VWCE: variants seen among roughly 807,000 people sequenced by gnomAD.
VWCE encodes the protein von Willebrand factor C and EGF domain-containing protein.
VWCE carries 68 observed loss-of-function variants against 102.9 expected under a neutral mutation model. That is an observed-to-expected ratio of 0.66 (90% CI 0.54 to 0.81). The LOEUF (loss-of-function observed/expected upper bound fraction) is 0.81. Ranked by LOEUF, VWCE falls within the 30% of genes least tolerant of loss-of-function variation. The probability of loss-of-function intolerance (pLI) is 0.00; values close to 1 mark genes in which losing one functional copy is unlikely to be tolerated. For missense variants in VWCE, 1,137 were observed against 1,263.6 expected, an observed-to-expected ratio of 0.90 and a Z score of 1.52; for synonymous variants, 497 against 515.4, an observed-to-expected ratio of 0.96 and a Z score of 0.48.
chr11:61,278,605 G>T, intron 9 of VWCE, 129 bp from the exon 10 acceptor site: 1 of 810,516 alleles, frequency 1.2e-6, no homozygotes, highest in Non-Finnish European at 2.0e-6. Flanking sequence ...CCCAGGAGTG[G>T]TAGATTCAGG....
At chr11:61,278,282 T>G (rs1335426226) in intron 10 of VWCE, 112 bp downstream of exon 10, 1 of 1,162,606 alleles carries the variant, frequency 8.6e-7, no homozygotes, top group East Asian at 2.4e-5. Context: ...CCTGAGAATG[T>G]TCCCTTCCAC....
chr11:61,266,922 G>A (rs559818534), intron 16 of VWCE, among the ~76,000 whole-genome samples: 4 of 152,132 alleles, frequency 2.6e-5, no homozygotes, highest in African/African-American at 9.7e-5. Flanking sequence ...CTCTCTCTAG[G>A]GGGTAACCCG....
intron 19 of VWCE, 119 bp downstream of exon 19, chr11:61,264,368 G>T: frequency 9.7e-7 from 1 of 1,034,196 alleles, no homozygotes; most frequent in Non-Finnish European, 1.4e-6. Context: ...CGCGAGCCGT[G>T]TTCCCTCTCT....
At chr11:61,292,178 G>C (rs1454819390) in intron 1 of VWCE, among the ~76,000 whole-genome samples, 1 of 151,666 alleles carries the variant, frequency 6.6e-6, no homozygotes, top group East Asian at 1.9e-4. Flanking sequence ...AGCCAAGTTG[G>C]CGCCACTGCC....
In VWCE at chr11:61,271,696, G is replaced by A; in HGVS notation, c.1764C>T (p.Pro588=). 6.2e-7 allele frequency: 1 copy of A among 1,613,284 alleles called. No homozygotes were observed. The highest frequency in any genetic ancestry group is 1.1e-5 in the South Asian group (1 of 90,852). Reference sequence around the variant, plus strand: ...TCACCTGGCAGATGCATAACTCACAGGGGTCACCAGGCGACCAGATCTGTC... The same window carrying A: ...TCACCTGGCAGATGCATAACTCACAAGGGTCACCAGGCGACCAGATCTGTC... ...PIGQIWSPGD[P]CELCICQADG... The change falls in exon 14 of 20, where the codon CCC becomes CCT. Residue 588 remains proline, a synonymous_variant. Transcript: ENST00000335613.
In VWCE at chr11:61,293,241, CAAAAAAAA is replaced by C. The variant is rs764741197; in HGVS notation, c.111-1673_111-1666del. ...GGGCAACAAGAGCAAAACTCCATCT[CAAAAAAAA>C]AAAAAAAAAAAAAAAAAATTAGCCA... is the stretch of plus-strand genomic sequence containing the variant. On this transcript the variant is annotated intron_variant, in intron 1 of 19. Transcript: ENST00000335613. 1.8e-3 allele frequency among the ~76,000 whole-genome samples: 33 copies of C among 18,026 alleles called. 1 individual carries two copies. The highest frequency in any genetic ancestry group is 0.028 in the Middle Eastern group (1 of 36). The allele number at this position is 18,026 out of a possible 152,430, so 11.8% of individuals were successfully genotyped here.
At chr11:61,271,511 A>G (rs1854697156) in intron 14 of VWCE, 164 bp downstream of exon 14, 1 of 627,944 alleles carries the variant, frequency 1.6e-6, no homozygotes, top group Non-Finnish European at 2.8e-6. Flanking sequence ...TGAGAGCAGG[A>G]TAAACTCGGT....
rs1160999529 is a variant in VWCE at position 61,281,180 on chromosome 11, C to T, written c.843G>A (p.Pro281=). The T allele has an allele frequency of 1.2e-6, 2 of 1,613,338 alleles. No individual in the cohort carries two copies. The highest frequency in any genetic ancestry group is 1.7e-5 in the Admixed American group (1 of 60,010). Residue 281 remains proline, a synonymous_variant, in exon 8 of 20, where the codon CCG becomes CCA. Transcript: ENST00000335613. ...CAGGAAGCAACAGAAGCATCTTGGA[C>T]GGGTGTTGCCGGGGTTGCAGGATGG... The part of the protein sequence containing the change: ...PSAILQPRQH[P]SKMLLLLPEA...
At position 61,278,496 on chromosome 11, in the gene VWCE, G is replaced by A. The variant is rs780532637; in HGVS notation, c.1325-20C>T. The A allele has an allele frequency of 6.2e-6, 10 of 1,612,774 alleles. No individual in the cohort carries two copies. The African/African-American group carries it at 8.0e-5, about 13-fold the overall frequency. ...AACAGCCTTTGAAGGACAAATAGGA[G>A]GTAGAGGCATCAGACCTCTTCAAAG... On this transcript the variant is annotated intron_variant, in intron 9 of 19. Transcript: ENST00000335613.
chr11:61,259,289 T>C lies in VWCE; in HGVS notation c.2254A>G (p.Lys752Glu), dbSNP rs1199258044. Residue 752 changes from lysine (K) to glutamate (E), a missense_variant, in exon 20 of 20, where the codon AAG becomes GAG. Lys to Glu is a moderately conservative substitution (Grantham distance 56, BLOSUM62 1). Transcript: ENST00000335613. ...TTTCCGTGAGGGGAGAGCCCCTGCTTTTCTTCCAGAGGAGACAGGGAATCT... is the reference window on the plus strand; with the variant it reads ...TTTCCGTGAGGGGAGAGCCCCTGCTCTTCTTCCAGAGGAGACAGGGAATCT... ...CPDSLSPLEE[K>E]QGLSPHGNVA... 2.5e-6 allele frequency: 4 copies of C among 1,591,086 alleles called. No homozygotes were observed. In the South Asian group the frequency reaches 3.4e-5, roughly 14 times the overall value.
At chr11:61,290,338 C>G (rs1426273462) in intron 4 of VWCE, among the ~76,000 whole-genome samples, 1 of 152,096 alleles carries the variant, frequency 6.6e-6, no homozygotes, top group Non-Finnish European at 1.5e-5. Context: ...ATGGCAAAAC[C>G]CTGTCTCTAC....
chr11:61,284,277 G>A (rs1855239772), intron 5 of VWCE, among the ~76,000 whole-genome samples: 1 of 152,126 alleles, frequency 6.6e-6, no homozygotes, highest in Admixed American at 6.6e-5. Flanking sequence ...ATTTCCTTAA[G>A]CCTCAGTGTT....
rs138503610 is a variant in VWCE at position 61,258,545 on chromosome 11, T to C, written c.*130A>G. On this transcript the variant is annotated 3_prime_UTR_variant, in exon 20 of 20. Coordinates refer to ENST00000335613, the MANE Select transcript of VWCE (RefSeq NM_152718.2). Reference sequence around the variant, plus strand: ...TACATCCAGCCTTGGGGGTCTTCCATCCTCACCAGGGCCCCTGCAGGAGGG... The same window carrying C: ...TACATCCAGCCTTGGGGGTCTTCCACCCTCACCAGGGCCCCTGCAGGAGGG... The C allele has an allele frequency of 2.7e-5, 26 of 960,998 alleles. No homozygotes were observed. In the East Asian group the frequency reaches 7.3e-4, roughly 27 times the overall value. The allele number at this position is 960,998 out of a possible 1,614,324, so 59.5% of individuals were successfully genotyped here.
chr11:61,262,887 T>C (rs1190620419), intron 19 of VWCE, among the ~76,000 whole-genome samples: 1 of 152,244 alleles, frequency 6.6e-6, no homozygotes, highest in Non-Finnish European at 1.5e-5. Flanking sequence ...GGAAGAGAGC[T>C]GCAGTCCTGT....
intron 19 of VWCE, among the ~76,000 whole-genome samples, chr11:61,263,481 G>C (rs920119376): frequency 6.6e-6 from 1 of 152,188 alleles, no homozygotes; most frequent in African/African-American, 2.4e-5. Flanking sequence ...GGTTACGAAG[G>C]CTGGCAGGGG....
Position 61,258,841 on chromosome 11 carries a change from AG to A in VWCE, c.2701del (p.Leu901PhefsTer3). On this transcript the variant is annotated frameshift_variant, in exon 20 of 20. Transcript: ENST00000335613. LOFTEE classifies it low-confidence loss of function (END_TRUNC). ...CGAGGGGCTGGGGTCCATCATGGAA[AG>A]TGCTGAAGCTTCCGTCAGGAGGGTG... The part of the protein sequence containing the change: ...PGTLLTEASA[L>X]SMMDPSPSKT... 1 of 1,513,804 alleles carries A rather than the reference AG, an allele frequency of 6.6e-7. No homozygotes were observed. The highest frequency in any genetic ancestry group is 8.8e-7 in the Non-Finnish European group (1 of 1,133,342). The allele number at this position is 1,513,804 out of a possible 1,614,324, so 93.8% of individuals were successfully genotyped here.
At chr11:61,289,687 T>G (rs893822307) in intron 4 of VWCE, among the ~76,000 whole-genome samples, 4 of 152,070 alleles carry the variant, frequency 2.6e-5, no homozygotes, top group African/African-American at 9.7e-5. Context: ...TTAACATACA[T>G]ACACACACAT....
In VWCE at chr11:61,258,736, G is replaced by T; in HGVS notation, c.2807C>A (p.Thr936Asn). 2 of 1,396,636 alleles carry T rather than the reference G, an allele frequency of 1.4e-6. No individual in the cohort carries two copies. Among genetic ancestry groups the T allele is most frequent in the African/African-American group, 1.5e-5 (1 of 68,164 alleles). 86.5% of individuals were successfully genotyped at this position (1,396,636 alleles called of 1,614,324 possible). A position where few individuals can be genotyped will look rare whatever the true frequency, so the allele number is the denominator to read the frequency against. Reference protein sequence around the residue: ...SRLSTALAATTHPGPQQPPVG... With the variant: ...SRLSTALAATNHPGPQQPPVG... ...TGGGGGCTGCTGGGGGCCAGGGTGG[G>T]TGGTGGCTGCAAGGGCTGTGGAGAG... The change falls in exon 20 of 20, where the codon ACC (threonine) becomes AAC (asparagine). Residue 936 changes from threonine (T) to asparagine (N), a missense_variant. This residue lies in a region of VWCE where 316 missense variants were observed against 319.3 expected (regional missense o/e 0.99). Coordinates refer to ENST00000335613, the MANE Select transcript of VWCE (RefSeq NM_152718.2).
Position 61,281,870 on chromosome 11 carries a change from G to A in VWCE, c.703C>T (p.His235Tyr). ...CTGCCCACGGTGTTGTGGCAGGAAT[G>A]GTGACAGACTCGCCTCTCCAATGGC... is the stretch of plus-strand genomic sequence containing the variant. ...RRPLERRVCH[H>Y]SCHNTVGSFL... Residue 235 changes from histidine to tyrosine, a missense_variant, in exon 7 of 20, where the codon CAT (histidine) becomes TAT (tyrosine). By Grantham distance (83) the His-to-Tyr change is moderately conservative (BLOSUM62 2). Transcript: ENST00000335613. The A allele has an allele frequency of 6.2e-7, 1 of 1,613,944 alleles. No individual in the cohort carries two copies. The highest frequency in any genetic ancestry group is 8.5e-7 in the Non-Finnish European group (1 of 1,179,902).
Sources: gnomAD v4.1 joint callset for allele counts (sites outside exome capture counted in the v4.1 genomes callset) on GRCh38, gnomAD v4.1.1 for gene constraint, gnomAD v4.1.1 regional missense constraint, MANE v1.5 for transcripts, NCBI Gene and HGNC (gene_info 2026-07-23, HGNC 2026-07-21) for gene names.